LPL: variants seen among roughly 807,000 people sequenced by gnomAD.
LPL encodes phospholipase A1.
LPL carries 43 observed loss-of-function variants against 52.2 expected under a neutral mutation model. The observed-to-expected ratio is 0.82, with a 90% CI of 0.64 to 1.06. The LOEUF is 1.06. LPL is among the 50% of genes least tolerant of loss of function. The pLI, the probability that LPL is intolerant of heterozygous loss-of-function variation, is 0.00. For missense variants in LPL, 639 were observed against 585.3 expected (o/e 1.09, Z -0.95); for synonymous variants, 244 against 215.6 (o/e 1.13, Z -1.15).
intron 1 of LPL, among the ~76,000 whole-genome samples, chr8:19,942,712 GTT>G (rs368355188): frequency 3.5e-4 from 53 of 152,308 alleles, no homozygotes; most frequent in African/African-American, 1.2e-3. Context: ...GAGGCTAAGA[GTT>G]TGAAATTTAC....
intron 1 of LPL, among the ~76,000 whole-genome samples, chr8:19,943,301 A>T (rs1048467591): frequency 2.0e-5 from 3 of 152,192 alleles, no homozygotes; most frequent in African/African-American, 7.2e-5. Flanking sequence ...AGGTAAATGG[A>T]TCTGCACTTA....
At chr8:19,957,692 T>C (rs1220744358) in intron 6 of LPL, among the ~76,000 whole-genome samples, 2 of 152,220 alleles carry the variant, frequency 1.3e-5, no homozygotes, top group Admixed American at 1.3e-4. Flanking sequence ...TGTGGGGTTT[T>C]GTTGTTGTTC....
At chr8:19,959,582 T>A (rs754728427) in intron 7 of LPL, among the ~76,000 whole-genome samples, 7 of 152,116 alleles carry the variant, frequency 4.6e-5, no homozygotes. Flanking sequence ...CACTTACTAG[T>A]TATATTTTTT....
intron 1 of LPL, among the ~76,000 whole-genome samples, chr8:19,940,048 G>C (rs1460455708): frequency 6.6e-6 from 1 of 152,184 alleles, no homozygotes; most frequent in African/African-American, 2.4e-5. Context: ...GAGGCGTTCC[G>C]GGCATCTCAG....
chr8:19,949,912 C>A (rs556658572), intron 2 of LPL, among the ~76,000 whole-genome samples: 1 of 152,284 alleles, frequency 6.6e-6, no homozygotes, highest in East Asian at 1.9e-4. Flanking sequence ...TCATCTCAAT[C>A]TTATCCCTGA....
At chr8:19,957,121 A>C (rs929219262) in intron 6 of LPL, among the ~76,000 whole-genome samples, 1 of 152,204 alleles carries the variant, frequency 6.6e-6, no homozygotes, top group Admixed American at 6.5e-5. Flanking sequence ...GAAGGCAAGA[A>C]TATCTCACAC....
chr8:19,946,509 C>T (rs1310684313), intron 1 of LPL: 4 of 240,566 alleles, frequency 1.7e-5, no homozygotes, highest in Middle Eastern at 9.7e-4. Flanking sequence ...CACTATGACA[C>T]TCTTATTTTT....
chr8:19,953,810 TAC>T (rs2128838072), intron 4 of LPL, among the ~76,000 whole-genome samples: 1 of 152,308 alleles, frequency 6.6e-6, no homozygotes, highest in South Asian at 2.1e-4. Context: ...AGGTGTGGCA[TAC>T]ACACAGAGAG....
At position 19,962,025 on chromosome 8, in the gene LPL, T is replaced by G. The variant is rs327; in HGVS notation, c.1323-90T>G. 0.27 allele frequency: 233,112 copies of G among 854,874 alleles called. 33,225 individuals are homozygous for G. Among genetic ancestry groups the G allele is most frequent in the African/African-American group, 0.4 (24,319 of 60,444 alleles). The allele number at this position is 854,874 out of a possible 1,614,324, so 53.0% of individuals were successfully genotyped here. A position where few individuals can be genotyped will look rare whatever the true frequency, so the allele number is the denominator to read the frequency against. On this transcript the variant is annotated intron_variant, in intron 8 of 9. Coordinates refer to ENST00000650287, the MANE Select transcript of LPL (RefSeq NM_000237.3). ...AACAATTACCCAGCATGATCATGTA[T>G]TATTTAAACAGTCCTGACAGAACTG...
chr8:19,946,596 A>G, intron 1 of LPL: 1 of 290,990 alleles, frequency 3.4e-6, no homozygotes, highest in Non-Finnish European at 6.9e-6. Context: ...GAGCAAATTT[A>G]GATTAAGGAA....
rs1563561314 is a variant in LPL, at chr8:19,939,379, G to C, written c.-62G>C. 1.3e-6 allele frequency: 2 copies of C among 1,522,366 alleles called. No individual in the cohort carries two copies. The highest frequency in any genetic ancestry group is 1.2e-5 in the South Asian group (1 of 84,008). 94.3% of individuals were successfully genotyped at this position (1,522,366 alleles called of 1,614,324 possible). ...GCGGCTCCAGCCCTCTCCAGCCTCCGGCTCAGCCGGCTCATCAGTCGGTCC... is the reference window on the plus strand; with the variant it reads ...GCGGCTCCAGCCCTCTCCAGCCTCCCGCTCAGCCGGCTCATCAGTCGGTCC... On this transcript the variant is annotated 5_prime_UTR_variant, in exon 1 of 10. Coordinates refer to ENST00000650287, the MANE Select transcript of LPL (RefSeq NM_000237.3). The surrounding 1 kb of genome is among the most constrained non-coding windows in gnomAD (Gnocchi z 4.0).
intron 9 of LPL, among the ~76,000 whole-genome samples, chr8:19,962,561 G>A (rs1317582177): frequency 1.3e-5 from 2 of 152,216 alleles, no homozygotes; most frequent in South Asian, 4.1e-4. Context: ...GCCATCTGCA[G>A]AGCATGTAAC....
chr8:19,948,374 G>C (rs745333258), intron 2 of LPL, 34 bp downstream of exon 2: 2 of 1,612,548 alleles, frequency 1.2e-6, no homozygotes, highest in Non-Finnish European at 8.5e-7. Flanking sequence ...AGTGGATTGG[G>C]GTGGTGAGGT....
At chr8:19,964,497 A>T (rs1156577855) in intron 9 of LPL, among the ~76,000 whole-genome samples, 1 of 152,188 alleles carries the variant, frequency 6.6e-6, no homozygotes, top group Non-Finnish European at 1.5e-5. Flanking sequence ...AGTTATTTAG[A>T]CAGAGAATGT....
Position 19,951,868 on chromosome 8 carries a change from G to A in LPL, c.349G>A (p.Ala117Thr). 6.2e-7 allele frequency: 1 copy of A among 1,614,158 alleles called. No individual in the cohort carries two copies. Among genetic ancestry groups the A allele is most frequent in the Non-Finnish European group, 8.5e-7 (1 of 1,180,030 alleles). The change falls in exon 3 of 10, where the codon GCT becomes ACT. Residue 117 changes from alanine to threonine, a missense_variant. Transcript: ENST00000650287. ...NVIVVDWLSR[A>T]QEHYPVSAGY... ...CATTGTGGTGGACTGGCTGTCACGG[G>A]CTCAGGAGCATTACCCAGTGTCCGC...
chr8:19,954,208 C>G lies in LPL; in HGVS notation c.630C>G (p.His210Gln). ...ATGCAGATTTTGTAGACGTCTTACA[C>G]ACATTCACCAGAGGGTCCCCTGGTC... ...PDDADFVDVLHTFTRGSPGRS... is the reference protein window; with the variant it reads ...PDDADFVDVLQTFTRGSPGRS... The change falls in exon 5 of 10, where the codon CAC becomes CAG. Residue 210 changes from histidine to glutamine, a missense_variant. Coordinates refer to ENST00000650287, the MANE Select transcript of LPL (RefSeq NM_000237.3). The G allele has an allele frequency of 6.2e-7, 1 of 1,614,192 alleles. No individual in the cohort carries two copies. Among genetic ancestry groups the G allele is most frequent in the Non-Finnish European group, 8.5e-7 (1 of 1,180,052 alleles).
rs199912722 is a variant in LPL, at chr8:19,959,290, C to T, written c.1049C>T (p.Ser350Phe). ...VFHYQVKIHF[S>F]GTESETHTNQ... ...CATTACCAAGTAAAGATTCATTTTT[C>T]TGGGACTGAGAGTGAAACCCATACC... The change falls in exon 7 of 10, where the codon TCT becomes TTT. Residue 350 changes from serine to phenylalanine, a missense_variant. Coordinates refer to ENST00000650287, the MANE Select transcript of LPL (RefSeq NM_000237.3). 4 of 1,614,126 alleles carry T rather than the reference C, an allele frequency of 2.5e-6. No individual in the cohort carries two copies. The highest frequency in any genetic ancestry group is 1.7e-6 in the Non-Finnish European group (2 of 1,180,006).
rs112943460 is a variant in LPL, at chr8:19,946,508, ACT to A, written c.89-1669_89-1668del. Reference sequence around the variant, plus strand: ...ATTCTTTCACTGTTCTCACTATGACACTCTTATTTTTATTATTGGCCTGACTT... The same window carrying A: ...ATTCTTTCACTGTTCTCACTATGACACTTATTTTTATTATTGGCCTGACTT... On this transcript the variant is annotated intron_variant, in intron 1 of 9. Transcript: ENST00000650287. 5.5e-3 allele frequency: 1,320 copies of A among 239,750 alleles called. 15 individuals are homozygous for A. The highest frequency in any genetic ancestry group is 0.034 in the Middle Eastern group (74 of 2,174). 14.9% of individuals were successfully genotyped at this position (239,750 alleles called of 1,614,324 possible).
At chr8:19,947,386 T>A (rs1364710245) in intron 1 of LPL, among the ~76,000 whole-genome samples, 1 of 151,960 alleles carries the variant, frequency 6.6e-6, no homozygotes, top group Non-Finnish European at 1.5e-5. Context: ...ATGCCTGTAA[T>A]CCCAGCATTT....
Sources: gnomAD v4.1 joint callset for allele counts (sites outside exome capture counted in the v4.1 genomes callset) on GRCh38, gnomAD v4.1.1 for gene constraint, Gnocchi (gnomAD v3.1) non-coding constraint, MANE v1.5 for transcripts, NCBI Gene and HGNC (gene_info 2026-07-23, HGNC 2026-07-21) for gene names.